Variants in WWOX observed in about 807,000 individuals in gnomAD.
The protein encoded by WWOX is WW domain-containing oxidoreductase.
A neutral mutation model predicts 46.2 loss-of-function variants in WWOX; 69 were observed. That is an observed-to-expected ratio of 1.49 (90% confidence interval 1.23 to 1.82). The LOEUF is 1.82. Ranked by LOEUF, WWOX falls within the 40% of genes most tolerant of loss-of-function variation. The pLI is 0.00. For synonymous variants in WWOX, 359 were observed against 202.6 expected, an observed-to-expected ratio of 1.77 and a Z score of -6.56; for missense variants, 919 against 542.6, an observed-to-expected ratio of 1.69 and a Z score of -6.89.
intron 5 of WWOX, among the ~76,000 whole-genome samples, chr16:78,240,635 T>C (rs550214854): frequency 2.4e-4 from 36 of 152,326 alleles, no homozygotes; most frequent in African/African-American, 7.7e-4. Context: ...GGGTCTTTGT[T>C]CTTTATCTAC....
At chr16:78,684,601 G>T (rs934040317) in intron 8 of WWOX, among the ~76,000 whole-genome samples, 18 of 152,152 alleles carry the variant, frequency 1.2e-4, no homozygotes, top group African/African-American at 3.6e-4. Flanking sequence ...GAAGCCATGT[G>T]GGACCTCACA....
At chr16:78,656,473 G>A (rs1410510040) in intron 8 of WWOX, among the ~76,000 whole-genome samples, 1 of 152,176 alleles carries the variant, frequency 6.6e-6, no homozygotes, top group African/African-American at 2.4e-5. Context: ...TAAAATCATG[G>A]CAGAAGATGA....
At chr16:79,068,598 G>T (rs1313180216) in intron 8 of WWOX, among the ~76,000 whole-genome samples, 4 of 151,784 alleles carry the variant, frequency 2.6e-5, no homozygotes, top group Non-Finnish European at 4.4e-5. Flanking sequence ...GAGCCTAGGA[G>T]TTCGAGACCT....
intron 8 of WWOX, among the ~76,000 whole-genome samples, chr16:78,444,285 C>T (rs1405333928): frequency 6.6e-6 from 1 of 152,064 alleles, no homozygotes; most frequent in East Asian, 1.9e-4. Flanking sequence ...GAGCAAATCA[C>T]TTATCCTCTC....
Position 78,977,942 on chromosome 16 carries a change from A to G in WWOX, c.1057-233666A>G, listed in dbSNP as rs74032473. Among the ~76,000 whole-genome samples the G allele has an allele frequency of 9.9e-3, 1,503 of 151,370 alleles. 25 individuals are homozygous for G. Among genetic ancestry groups the G allele is most frequent in the African/African-American group, 0.034 (1,393 of 41,332 alleles). On this transcript the variant is annotated intron_variant, in intron 8 of 8. Transcript: ENST00000566780. ...TAACCATTTCAAAGTAGACAGTTCA[A>G]TAGCAGTACATTCACAATGGTGTGT...
intron 5 of WWOX, among the ~76,000 whole-genome samples, chr16:78,344,301 T>C (rs61236352): frequency 0.22 from 26,785 of 119,592 alleles, 8,549 homozygotes; most frequent in African/African-American, 0.37. Flanking sequence ...ATAGCACCCA[T>C]TGCTTAATTT....
intron 8 of WWOX, among the ~76,000 whole-genome samples, chr16:78,612,810 A>T (rs2045931923): frequency 6.6e-6 from 1 of 152,206 alleles, no homozygotes; most frequent in African/African-American, 2.4e-5. Context: ...AATGAAGGCT[A>T]CAATATTTAC....
At chr16:79,018,691 A>C (rs1389557368) in intron 8 of WWOX, among the ~76,000 whole-genome samples, 1 of 152,200 alleles carries the variant, frequency 6.6e-6, no homozygotes, top group Non-Finnish European at 1.5e-5. Context: ...CGCCTCCTCC[A>C]CATGAAATCA....
intron 8 of WWOX, among the ~76,000 whole-genome samples, chr16:78,581,850 G>C (rs1419253332): frequency 1.3e-5 from 2 of 152,120 alleles, no homozygotes; most frequent in African/African-American, 2.4e-5. Context: ...ATTTCATAAA[G>C]TTTTGCTTAT....
At chr16:78,619,238 C>G (rs1293802730) in intron 8 of WWOX, among the ~76,000 whole-genome samples, 1 of 103,436 alleles carries the variant, frequency 9.7e-6, no homozygotes, top group African/African-American at 3.7e-5. Context: ...GGGGCCTGCC[C>G]TTGTAGTCCC....
chr16:78,580,367 C>A (rs148257217), intron 8 of WWOX, among the ~76,000 whole-genome samples: 1 of 152,196 alleles, frequency 6.6e-6, no homozygotes, highest in Non-Finnish European at 1.5e-5. Context: ...AGCCACTGCA[C>A]CTGGCCTCCA....
At chr16:79,105,751 C>G (rs560408598) in intron 8 of WWOX, among the ~76,000 whole-genome samples, 2 of 151,796 alleles carry the variant, frequency 1.3e-5, no homozygotes, top group African/African-American at 2.4e-5. Context: ...CAACCTCCAT[C>G]TCCTGGATGC....
At chr16:78,137,568 C>T (rs545237614) in intron 4 of WWOX, among the ~76,000 whole-genome samples, 9 of 152,132 alleles carry the variant, frequency 5.9e-5, no homozygotes, top group African/African-American at 2.2e-4. Flanking sequence ...ATATATATGC[C>T]GCCACAGAGG....
At chr16:78,999,411 G>A (rs141646663) in intron 8 of WWOX, among the ~76,000 whole-genome samples, 1 of 152,044 alleles carries the variant, frequency 6.6e-6, no homozygotes, top group Non-Finnish European at 1.5e-5. Flanking sequence ...CGGAAGTTGC[G>A]GTGAGCCGAG....
chr16:78,099,838 G>A lies in WWOX; in HGVS notation c.60G>A (p.Pro20=). 2 of 1,582,228 alleles carry A rather than the reference G, an allele frequency of 1.3e-6. No homozygotes were observed. The highest frequency in any genetic ancestry group is 1.4e-5 in the African/African-American group (1 of 74,046). Reference sequence around the variant, plus strand: ...CGGACAGTGAGGACGAGCTGCCTCCGGGCTGGGAGGAGAGAACCACCAAGG... The same window carrying A: ...CGGACAGTGAGGACGAGCTGCCTCCAGGCTGGGAGGAGAGAACCACCAAGG... ...DDTDSEDELP[P]GWEERTTKDG... is the part of the protein sequence containing the mutation. Residue 20 remains proline (P), a synonymous_variant, in exon 1 of 9, where the codon CCG becomes CCA. Transcript: ENST00000566780.
At chr16:78,555,058 A>T (rs1419453715) in intron 8 of WWOX, among the ~76,000 whole-genome samples, 2 of 151,232 alleles carry the variant, frequency 1.3e-5, no homozygotes, top group Non-Finnish European at 2.9e-5. Flanking sequence ...ATGTGGAGAC[A>T]TTGGTGGGGG....
chr16:79,073,756 G>C (rs1447713088), intron 8 of WWOX, among the ~76,000 whole-genome samples: 3 of 152,058 alleles, frequency 2.0e-5, no homozygotes, highest in Non-Finnish European at 4.4e-5. Flanking sequence ...TCGTATCTCA[G>C]GGCTTCCGTA....
chr16:79,074,599 T>TAGC (rs2048619551), intron 8 of WWOX, among the ~76,000 whole-genome samples: 1 of 151,864 alleles, frequency 6.6e-6, no homozygotes, highest in African/African-American at 2.4e-5. Flanking sequence ...AGTATCTCCC[T>TAGC]TTATAAGCTA....
intron 1 of WWOX, 185 bp downstream of exon 1, chr16:78,100,070 C>A (rs534996610): frequency 7.2e-7 from 1 of 1,391,348 alleles, no homozygotes; most frequent in Non-Finnish European, 9.3e-7. Flanking sequence ...TGGTGGGCCT[C>A]GGGTCCAGCG....
Sources: gnomAD v4.1 joint callset for allele counts (sites outside exome capture counted in the v4.1 genomes callset) on GRCh38, gnomAD v4.1.1 for gene constraint, MANE v1.5 for transcripts, NCBI Gene and HGNC (gene_info 2026-07-23, HGNC 2026-07-21) for gene names.